Variants in ADARB1 observed in about 807,000 individuals in gnomAD.
ADARB1 encodes adenosine deaminase RNA specific B1.
A neutral mutation model predicts 52.4 loss-of-function variants in ADARB1; 10 were observed. The observed-to-expected ratio is 0.19, with a 90% CI of 0.12 to 0.32. The LOEUF (loss-of-function observed/expected upper bound fraction) is 0.32. ADARB1 is among the 10% of genes least tolerant of loss of function. The pLI is 1.00. For synonymous variants in ADARB1, 349 were observed against 371.1 expected (o/e 0.94, Z 0.68); for missense variants, 643 against 922.3 (o/e 0.70, Z 3.92).
Position 45,181,244 on chromosome 21 carries a change from T to G in ADARB1, c.1078+800T>G, listed in dbSNP as rs956711502. 3.9e-5 allele frequency among the ~76,000 whole-genome samples: 6 copies of G among 152,204 alleles called. No homozygotes were observed. In the East Asian group the frequency reaches 1.2e-3, roughly 29 times the overall value. On this transcript the variant is annotated intron_variant, in intron 5 of 10. Coordinates refer to ENST00000348831, the MANE Select transcript of ADARB1 (RefSeq NM_001112.4). ...ACCCCCAGTTCTCGGTATGTGACTT[T>G]CTTGTTCTTTCCCCCTGAGGGGTCA...
At chr21:45,116,624 A>G (rs2087839806) in intron 1 of ADARB1, among the ~76,000 whole-genome samples, 1 of 152,266 alleles carries the variant, frequency 6.6e-6, no homozygotes, top group Non-Finnish European at 1.5e-5. Context: ...AGAAGGCCTC[A>G]GGAAACTTAC....
At chr21:45,092,620 A>G (rs1412916764) in intron 1 of ADARB1, among the ~76,000 whole-genome samples, 1 of 152,166 alleles carries the variant, frequency 6.6e-6, no homozygotes, top group Non-Finnish European at 1.5e-5. Flanking sequence ...AAATGGATAC[A>G]TTCTATTTAT....
At chr21:45,144,251 A>G (rs987855944) in intron 2 of ADARB1, among the ~76,000 whole-genome samples, 3 of 152,208 alleles carry the variant, frequency 2.0e-5, no homozygotes, top group Admixed American at 6.5e-5. Context: ...AGAGTAGAAA[A>G]ATGCTTTTAA....
At chr21:45,201,293 G>A (rs1057327687) in intron 8 of ADARB1, among the ~76,000 whole-genome samples, 6 of 152,222 alleles carry the variant, frequency 3.9e-5, no homozygotes, top group Non-Finnish European at 5.9e-5. Flanking sequence ...ATTAGTGGAA[G>A]CTGGTGCCAC....
At chr21:45,124,215 A>G (rs1043332542) in intron 1 of ADARB1, among the ~76,000 whole-genome samples, 2 of 151,948 alleles carry the variant, frequency 1.3e-5, no homozygotes, top group Non-Finnish European at 2.9e-5. Flanking sequence ...AGATTGACTT[A>G]CTGCTTCCTT....
At chr21:45,076,224 A>G (rs2085929004) in intron 1 of ADARB1, among the ~76,000 whole-genome samples, 1 of 152,246 alleles carries the variant, frequency 6.6e-6, no homozygotes, top group South Asian at 2.1e-4. Context: ...TGGCTGATAC[A>G]GTTCCTTCTT....
At chr21:45,209,507 C>T (rs773889808) in intron 9 of ADARB1, among the ~76,000 whole-genome samples, 1 of 152,088 alleles carries the variant, frequency 6.6e-6, no homozygotes, top group Non-Finnish European at 1.5e-5. Context: ...GTTACCTGGC[C>T]CTTGCCTGTG....
Position 45,222,872 on chromosome 21 carries a change from G to A in ADARB1, c.*675G>A. ...CATGCACATGGGGTCCCGCAGCAGT[G>A]ACTGTGTGTCCTGCAGAGGCGTGAC... On this transcript the variant is annotated 3_prime_UTR_variant, in exon 11 of 11. Transcript: ENST00000348831. 1 of 985,496 alleles carries A rather than the reference G, an allele frequency of 1.0e-6. No homozygotes were observed. Among genetic ancestry groups the A allele is most frequent in the South Asian group, 4.7e-5 (1 of 21,290 alleles). 61.0% of individuals were successfully genotyped at this position (985,496 alleles called of 1,614,324 possible). A position where few individuals can be genotyped will look rare whatever the true frequency, so the allele number is the denominator to read the frequency against.
intron 8 of ADARB1, among the ~76,000 whole-genome samples, chr21:45,187,136 A>G (rs774985503): frequency 1.3e-5 from 2 of 152,208 alleles, no homozygotes; most frequent in African/African-American, 2.4e-5. Context: ...AACAATATTA[A>G]GTCTTCTAAC....
rs112180369 is a variant in ADARB1, at chr21:45,224,844, C to T, written c.*2647C>T. 2.5e-5 allele frequency: 25 copies of T among 985,616 alleles called. No individual in the cohort carries two copies. Among genetic ancestry groups the T allele is most frequent in the East Asian group, 1.1e-4 (1 of 8,820 alleles). The allele number at this position is 985,616 out of a possible 1,614,324, so 61.1% of individuals were successfully genotyped here. A position where few individuals can be genotyped will look rare whatever the true frequency, so the allele number is the denominator to read the frequency against. On this transcript the variant is annotated 3_prime_UTR_variant, in exon 11 of 11. Coordinates refer to ENST00000348831, the MANE Select transcript of ADARB1 (RefSeq NM_001112.4). ...ACAAAATACAGAACGCTGACTCCTCCGTGAGACAGATCGGGGACCTTAGCA... is the reference window on the plus strand; with the variant it reads ...ACAAAATACAGAACGCTGACTCCTCTGTGAGACAGATCGGGGACCTTAGCA...
chr21:45,179,713 A>G (rs2091851335), intron 4 of ADARB1, among the ~76,000 whole-genome samples: 1 of 151,570 alleles, frequency 6.6e-6, no homozygotes, highest in African/African-American at 2.4e-5. Flanking sequence ...GCGGAGTCAG[A>G]GTGCATTTGT....
intron 8 of ADARB1, among the ~76,000 whole-genome samples, chr21:45,199,631 C>T (rs58625509): frequency 0.025 from 3,851 of 152,280 alleles, 158 homozygotes; most frequent in African/African-American, 0.088. Flanking sequence ...CTGGCAGTTG[C>T]AGGGTTCTTC....
chr21:45,133,873 TGCCCGACAGTGGTGTGTGC>T (rs1198875168), intron 2 of ADARB1, among the ~76,000 whole-genome samples: 2 of 134,458 alleles, frequency 1.5e-5, no homozygotes, highest in African/African-American at 5.7e-5. Flanking sequence ...CGGGGGTGTG[TGCCCGACAGTGGTGTGTGC>T]GCCCGACGGG....
intron 1 of ADARB1, among the ~76,000 whole-genome samples, chr21:45,090,155 T>G (rs1006939825): frequency 6.6e-6 from 1 of 152,230 alleles, no homozygotes; most frequent in African/African-American, 2.4e-5. Context: ...TTACCATATG[T>G]GCGTCTGTTG....
Position 45,224,105 on chromosome 21 carries a change from C to T in ADARB1, c.*1908C>T. The T allele has an allele frequency of 1.0e-6, 1 of 985,422 alleles. No homozygotes were observed. The highest frequency in any genetic ancestry group is 1.2e-6 in the Non-Finnish European group (1 of 829,940). 61.0% of individuals were successfully genotyped at this position (985,422 alleles called of 1,614,324 possible). A position where few individuals can be genotyped will look rare whatever the true frequency, so the allele number is the denominator to read the frequency against. On this transcript the variant is annotated 3_prime_UTR_variant, in exon 11 of 11. Transcript: ENST00000348831. ...AGGCTCTTGCACACTCTAGAAAAAACACCTTGTAAGTCTGTGCATTTTTAT... is the reference window on the plus strand; with the variant it reads ...AGGCTCTTGCACACTCTAGAAAAAATACCTTGTAAGTCTGTGCATTTTTAT...
chr21:45,176,813 T>A lies in ADARB1; in HGVS notation c.963+149T>A. ...AGGAGTTACTGGTAAGTCTGGCTGC[T>A]TGATTTCCATGGCCATGTGGCCACT... On this transcript the variant is annotated intron_variant, in intron 4 of 10. Transcript: ENST00000348831. The surrounding 1 kb of genome is among the most constrained non-coding windows in gnomAD (Gnocchi z 5.8). The A allele has an allele frequency of 1.0e-6, 1 of 956,774 alleles. No homozygotes were observed. The highest frequency in any genetic ancestry group is 1.5e-6 in the Non-Finnish European group (1 of 664,572). 59.3% of individuals were successfully genotyped at this position (956,774 alleles called of 1,614,324 possible). A position where few individuals can be genotyped will look rare whatever the true frequency, so the allele number is the denominator to read the frequency against.
At chr21:45,103,463 G>A (rs1246216960) in intron 1 of ADARB1, among the ~76,000 whole-genome samples, 4 of 151,772 alleles carry the variant, frequency 2.6e-5, no homozygotes, top group Admixed American at 2.6e-4. Flanking sequence ...CCTGCAACTA[G>A]ATGGTCCCAT....
chr21:45,104,017 A>G (rs2123744588), intron 1 of ADARB1, among the ~76,000 whole-genome samples: 1 of 152,254 alleles, frequency 6.6e-6, no homozygotes, highest in Middle Eastern at 3.4e-3. Flanking sequence ...ACCAGGCCCC[A>G]GGGGTCAGTG....
chr21:45,105,607 A>G lies in ADARB1; in HGVS notation c.-219-22795A>G, dbSNP rs980678943. Among the ~76,000 whole-genome samples the G allele has an allele frequency of 3.9e-5, 6 of 152,266 alleles. No individual in the cohort carries two copies. In the East Asian group the frequency reaches 9.6e-4, roughly 24 times the overall value. On this transcript the variant is annotated intron_variant, in intron 1 of 10. Transcript: ENST00000348831. ...GAAAACTCGTAAGTGCCCTAAGGAA[A>G]TAAGGAATTATTTTGAACACTAAAG...
Sources: gnomAD v4.1 joint callset for allele counts (sites outside exome capture counted in the v4.1 genomes callset) on GRCh38, gnomAD v4.1.1 for gene constraint, Gnocchi (gnomAD v3.1) non-coding constraint, MANE v1.5 for transcripts, NCBI Gene and HGNC (gene_info 2026-07-23, HGNC 2026-07-21) for gene names.